NAT10: variants seen among roughly 807,000 people sequenced by gnomAD.
NAT10 encodes N-acetyltransferase 10, also known as RNA cytidine acetyltransferase.
In NAT10, 109 loss-of-function variants were observed where a neutral mutation model predicts 132.2. That is an observed-to-expected ratio of 0.82 (90% CI 0.71 to 0.97). The LOEUF (loss-of-function observed/expected upper bound fraction) is 0.97. Among genes scored for constraint, NAT10 ranks in the 50% least tolerant of loss-of-function variants. NAT10 has a pLI of 0.00. For synonymous variants in NAT10, 479 were observed against 478.0 expected, an observed-to-expected ratio of 1.00 and a Z score of -0.03; for missense variants, 1,184 against 1,263.4, an observed-to-expected ratio of 0.94 and a Z score of 0.95.
At chr11:34,130,047 T>A (rs1455513599) in intron 12 of NAT10, among the ~76,000 whole-genome samples, 1 of 151,196 alleles carries the variant, frequency 6.6e-6, no homozygotes, top group East Asian at 1.9e-4. Flanking sequence ...GCATAAAACA[T>A]CTAGCTTTTA....
chr11:34,142,681 G>A (rs191282283), intron 27 of NAT10, among the ~76,000 whole-genome samples: 36 of 152,268 alleles, frequency 2.4e-4, no homozygotes, highest in Admixed American at 5.2e-4. Context: ...TGGCTTTTAC[G>A]TGTGACTTTG....
rs142026665 is a variant in NAT10, at chr11:34,140,450, C to T, written c.2470C>T (p.Arg824Trp). ...EALFLPYDLK[R>W]LEMYSRNMVD... ...ACTCTTCCTCCCCTATGACCTGAAGCGGCTGGAGATGTATTCACGGAATAT... is the reference window on the plus strand; with the variant it reads ...ACTCTTCCTCCCCTATGACCTGAAGTGGCTGGAGATGTATTCACGGAATAT... Residue 824 changes from arginine (R) to tryptophan (W), a missense_variant, in exon 24 of 29, where the codon CGG becomes TGG. Coordinates refer to ENST00000257829, the MANE Select transcript of NAT10 (RefSeq NM_024662.3). 31 of 1,614,026 alleles carry T rather than the reference C, an allele frequency of 1.9e-5. No individual in the cohort carries two copies. The African/African-American group carries it at 2.7e-4, about 14-fold the overall frequency.
intron 1 of NAT10, among the ~76,000 whole-genome samples, chr11:34,106,819 C>T (rs1317178293): frequency 6.6e-6 from 1 of 152,078 alleles, no homozygotes; most frequent in Non-Finnish European, 1.5e-5. Context: ...ATGCTAAAAT[C>T]TGTTTGGATT....
intron 12 of NAT10, among the ~76,000 whole-genome samples, chr11:34,130,447 C>G (rs1163687233): frequency 6.6e-6 from 1 of 152,228 alleles, no homozygotes; most frequent in Non-Finnish European, 1.5e-5. Flanking sequence ...AGCCTTTATG[C>G]TAAAGGCTTT....
chr11:34,123,970 G>C, intron 10 of NAT10, 115 bp downstream of exon 10: 2 of 727,452 alleles, frequency 2.7e-6, no homozygotes, highest in Non-Finnish European at 4.6e-6. Context: ...GGGAGTTGGA[G>C]ACCAGCCTGA....
chr11:34,132,191 T>C lies in NAT10; in HGVS notation c.1587T>C (p.Leu529=). The change falls in exon 15 of 29, where the codon CTT becomes CTC. Residue 529 remains leucine (L), a synonymous_variant. Coordinates refer to ENST00000257829, the MANE Select transcript of NAT10 (RefSeq NM_024662.3). ...HKASEVFLQR[L]MALYVASHYK... Reference sequence around the variant, plus strand: ...CCTCTGAAGTTTTCCTCCAACGGCTTATGGCCCTCTACGTGGCTTCTCACT... The same window carrying C: ...CCTCTGAAGTTTTCCTCCAACGGCTCATGGCCCTCTACGTGGCTTCTCACT... 6.2e-7 allele frequency: 1 copy of C among 1,614,174 alleles called. No individual in the cohort carries two copies.
At chr11:34,119,790 T>C (rs1435495267) in intron 8 of NAT10, among the ~76,000 whole-genome samples, 1 of 152,196 alleles carries the variant, frequency 6.6e-6, no homozygotes, top group African/African-American at 2.4e-5. Flanking sequence ...GACATTTCGA[T>C]TGATTCCAGC....
chr11:34,115,335 C>T (rs570282003), intron 5 of NAT10, among the ~76,000 whole-genome samples: 1 of 152,316 alleles, frequency 6.6e-6, no homozygotes, highest in South Asian at 2.1e-4. Flanking sequence ...GACATAGCTA[C>T]CTACTTACCC....
At position 34,122,489 on chromosome 11, in the gene NAT10, A is replaced by G; in HGVS notation, c.811A>G (p.Ile271Val). 1.2e-6 allele frequency: 2 copies of G among 1,614,228 alleles called. No individual in the cohort carries two copies. Among genetic ancestry groups the G allele is most frequent in the Non-Finnish European group, 8.5e-7 (1 of 1,180,040 alleles). The stretch of plus-strand genomic sequence containing the variant: ...AGCTGTCTTGAAATTTATCGAGGGC[A>G]TCTCTGAAAAGACCCTGAGGAGTAC... ...AKAVLKFIEG[I>V]SEKTLRSTVA... The change falls in exon 9 of 29, where the codon ATC becomes GTC. Residue 271 changes from isoleucine to valine, a missense_variant. Ile to Val is a conservative substitution (Grantham distance 29). Transcript: ENST00000257829.
chr11:34,113,323 C>T (rs1049111188), intron 4 of NAT10, among the ~76,000 whole-genome samples: 9 of 152,106 alleles, frequency 5.9e-5, no homozygotes, highest in Non-Finnish European at 1.3e-4. Context: ...ATAAAACTAA[C>T]AACGTCTCTA....
Position 34,105,743 on chromosome 11 carries a change from A to G in NAT10, c.-65A>G, listed in dbSNP as rs937751740. ...TCTTTCGGAGTTGTTCCGTGCTCCCACGTGCTTCCCCTTCTCCACTGGCTG... is the reference window on the plus strand; with the variant it reads ...TCTTTCGGAGTTGTTCCGTGCTCCCGCGTGCTTCCCCTTCTCCACTGGCTG... On this transcript the variant is annotated 5_prime_UTR_variant, in exon 1 of 29. Coordinates refer to ENST00000257829, the MANE Select transcript of NAT10 (RefSeq NM_024662.3). The G allele has an allele frequency of 6.6e-6, 1 of 152,354 alleles. No individual in the cohort carries two copies. The highest frequency in any genetic ancestry group is 2.4e-5 in the African/African-American group (1 of 41,472). The allele number at this position is 152,354 out of a possible 1,614,324, so 9.4% of individuals were successfully genotyped here. A position where few individuals can be genotyped will look rare whatever the true frequency, so the allele number is the denominator to read the frequency against.
chr11:34,139,644 C>A, intron 23 of NAT10, 149 bp downstream of exon 23: 1 of 659,888 alleles, frequency 1.5e-6, no homozygotes. Context: ...TTGCCAGGCC[C>A]CTGCTCTGTC....
Position 34,146,897 on chromosome 11 carries a change from A to G in NAT10, c.*705A>G, listed in dbSNP as rs142740097. The G allele has an allele frequency of 6.6e-6, 1 of 152,272 alleles. No homozygotes were observed. The highest frequency in any genetic ancestry group is 2.4e-5 in the African/African-American group (1 of 41,470). 9.4% of individuals were successfully genotyped at this position (152,272 alleles called of 1,614,324 possible). Reference sequence around the variant, plus strand: ...AGAGAATCTATTTTTAATAAATAACATTCTAGAAAGATCAGCTGCCTGTGA... The same window carrying G: ...AGAGAATCTATTTTTAATAAATAACGTTCTAGAAAGATCAGCTGCCTGTGA... On this transcript the variant is annotated 3_prime_UTR_variant, in exon 29 of 29. Transcript: ENST00000257829.
chr11:34,126,144 C>T (rs1851988519), intron 11 of NAT10, among the ~76,000 whole-genome samples: 1 of 152,182 alleles, frequency 6.6e-6, no homozygotes, highest in Admixed American at 6.5e-5. Context: ...GTATTGTTGA[C>T]ATTTTGATGT....
chr11:34,111,740 A>G (rs1292873586), intron 3 of NAT10, among the ~76,000 whole-genome samples: 1 of 152,380 alleles, frequency 6.6e-6, no homozygotes, highest in Non-Finnish European at 1.5e-5. Flanking sequence ...GTTTGGTTTC[A>G]AGCTCTGGCT....
Position 34,113,812 on chromosome 11 carries a change from C to A in NAT10, c.469C>A (p.Leu157Ile). The A allele has an allele frequency of 1.9e-6, 3 of 1,614,008 alleles. No individual in the cohort carries two copies. The highest frequency in any genetic ancestry group is 4.5e-5 in the East Asian group (2 of 44,884). ...CATCCTCCTACGGACCATGAACTCA[C>A]TCAAGCAATTGTACACAGTGACTAT... Reference protein sequence around the residue: ...VVILLRTMNSLKQLYTVTMDV... With the variant: ...VVILLRTMNSIKQLYTVTMDV... Residue 157 changes from leucine (L) to isoleucine (I), a missense_variant, in exon 5 of 29, where the codon CTC becomes ATC. Leu to Ile is a conservative substitution (Grantham distance 5, BLOSUM62 2). Transcript: ENST00000257829.
At chr11:34,114,766 C>T (rs1851756252) in intron 5 of NAT10, among the ~76,000 whole-genome samples, 1 of 152,212 alleles carries the variant, frequency 6.6e-6, no homozygotes, top group Non-Finnish European at 1.5e-5. Context: ...CTCCGCCTGT[C>T]ACTCCTTAAC....
At chr11:34,110,112 TG>T (rs1851666804) in intron 3 of NAT10, among the ~76,000 whole-genome samples, 1 of 152,188 alleles carries the variant, frequency 6.6e-6, no homozygotes, top group Non-Finnish European at 1.5e-5. Flanking sequence ...TCTCCTTTTT[TG>T]GCTTCAGTGT....
Position 34,131,491 on chromosome 11 carries a change from C to T in NAT10, c.1480C>T (p.Arg494Trp), listed in dbSNP as rs138988892. ...LLCLDCLNIT[R>W]IVSGCPLPEA... ...GTGCCTGGATTGCCTCAACATCACT[C>T]GGATAGTCTCAGGCTGCCCCTTGCC... Residue 494 changes from arginine (R) to tryptophan (W), a missense_variant, in exon 14 of 29, where the codon CGG becomes TGG. Physicochemically the swap from Arg to Trp is moderately radical, Grantham distance 101 (BLOSUM62 -3). Transcript: ENST00000257829. 1.6e-4 allele frequency: 254 copies of T among 1,613,858 alleles called. No homozygotes were observed. Among genetic ancestry groups the T allele is most frequent in the Non-Finnish European group, 1.9e-4 (227 of 1,179,992 alleles).
Sources: gnomAD v4.1 joint callset for allele counts (sites outside exome capture counted in the v4.1 genomes callset) on GRCh38, gnomAD v4.1.1 for gene constraint, MANE v1.5 for transcripts, NCBI Gene and HGNC (gene_info 2026-07-23, HGNC 2026-07-21) for gene names.